The following CREB5 variants were observed in gnomAD, a reference collection of about 807,000 sequenced individuals.
The protein encoded by CREB5 is cAMP responsive element binding protein 5.
In CREB5, 19 loss-of-function variants were observed where a neutral mutation model predicts 57.1. The observed-to-expected ratio is 0.33, with a 90% CI of 0.23 to 0.49. CREB5 has a LOEUF of 0.49. Ranked by LOEUF, CREB5 falls within the 20% of genes least tolerant of loss-of-function variation. The probability of loss-of-function intolerance (pLI) is 0.99; values close to 1 mark genes in which losing one functional copy is unlikely to be tolerated. For missense variants in CREB5, 579 were observed against 671.6 expected, an observed-to-expected ratio of 0.86 and a Z score of 1.52; for synonymous variants, 238 against 238.3, an observed-to-expected ratio of 1.00 and a Z score of 0.01.
intron 1 of CREB5, among the ~76,000 whole-genome samples, chr7:28,363,111 A>G (rs1786522857): frequency 6.6e-6 from 1 of 152,212 alleles, no homozygotes; most frequent in Non-Finnish European, 1.5e-5. Context: ...GGAAAGAATT[A>G]TGGATGACAT....
chr7:28,449,773 G>A (rs1315658034), intron 1 of CREB5, among the ~76,000 whole-genome samples: 1 of 152,206 alleles, frequency 6.6e-6, no homozygotes, highest in Non-Finnish European at 1.5e-5. Context: ...CGTCAATGTC[G>A]AATTGGTTAA....
intron 1 of CREB5, among the ~76,000 whole-genome samples, chr7:28,448,243 T>C (rs1457297937): frequency 6.6e-6 from 1 of 152,252 alleles, no homozygotes; most frequent in Non-Finnish European, 1.5e-5. Context: ...CTGGCTCTCC[T>C]TGCTCAGCAG....
chr7:28,365,339 A>G (rs552512100), intron 1 of CREB5, among the ~76,000 whole-genome samples: 2 of 152,136 alleles, frequency 1.3e-5, no homozygotes, highest in African/African-American at 4.8e-5. Context: ...CCTTCTTACT[A>G]CAATGGAAGG....
chr7:28,300,050 CTTTATTTATTTATTTATTTA>C (rs150788504), intron 1 of CREB5, among the ~76,000 whole-genome samples: 3,975 of 144,410 alleles, frequency 0.028, 174 homozygotes, highest in African/African-American at 0.094. Context: ...TGCTTTTTAG[CTTTATTTATTTATTTATTTA>C]TTTATTTATT....
intron 4 of CREB5, 151 bp from the exon 5 acceptor site, chr7:28,570,214 T>A: frequency 2.8e-6 from 2 of 707,050 alleles, no homozygotes; most frequent in Non-Finnish European, 4.7e-6. Flanking sequence ...CTGTATGTTA[T>A]AACAAGATGA....
chr7:28,623,180 T>C (rs900069038), intron 5 of CREB5, among the ~76,000 whole-genome samples: 1 of 152,118 alleles, frequency 6.6e-6, no homozygotes, highest in African/African-American at 2.4e-5. Flanking sequence ...ACTGCACCTG[T>C]CCCCATCTAC....
At chr7:28,505,027 C>G (rs1346930751) in intron 3 of CREB5, among the ~76,000 whole-genome samples, 1 of 152,104 alleles carries the variant, frequency 6.6e-6, no homozygotes, top group Non-Finnish European at 1.5e-5. Flanking sequence ...ACAAACTTGG[C>G]CTTATGAATT....
chr7:28,493,406 G>A (rs1315899329), intron 2 of CREB5, among the ~76,000 whole-genome samples: 1 of 152,168 alleles, frequency 6.6e-6, no homozygotes, highest in East Asian at 1.9e-4. Context: ...AGCTTCAGTG[G>A]CTTAGAGCAA....
intron 1 of CREB5, among the ~76,000 whole-genome samples, chr7:28,462,026 G>A (rs1231128434): frequency 2.0e-5 from 3 of 151,706 alleles, no homozygotes; most frequent in South Asian, 2.1e-4. Flanking sequence ...GAACATTTTC[G>A]TCACCCCCAA....
At chr7:28,306,375 A>AT (rs1785182503) in intron 1 of CREB5, among the ~76,000 whole-genome samples, 1 of 151,996 alleles carries the variant, frequency 6.6e-6, no homozygotes, top group Admixed American at 6.6e-5. Flanking sequence ...GACCTCTGCC[A>AT]TTTTTTTATT....
intron 1 of CREB5, among the ~76,000 whole-genome samples, chr7:28,429,978 A>G (rs1182679872): frequency 6.6e-6 from 1 of 152,180 alleles, no homozygotes; most frequent in African/African-American, 2.4e-5. Context: ...CCAGGAAAGG[A>G]TTGTTAGCTC....
At chr7:28,660,203 T>C (rs1488434487) in intron 5 of CREB5, among the ~76,000 whole-genome samples, 2 of 152,152 alleles carry the variant, frequency 1.3e-5, no homozygotes, top group African/African-American at 4.8e-5. Context: ...ATTCTATAAG[T>C]GTTTTTTATG....
chr7:28,489,786 T>C (rs915334270), intron 2 of CREB5, among the ~76,000 whole-genome samples: 9 of 152,200 alleles, frequency 5.9e-5, no homozygotes, highest in African/African-American at 9.7e-5. Flanking sequence ...ATTTCCAACT[T>C]ATAAATAAGA....
Position 28,626,106 on chromosome 7 carries a change from G to A in CREB5, c.464+55569G>A, listed in dbSNP as rs546454440. ...TTGGGTGTGTCATTTTATATTTAACGTATGTATTATTCACATTAAGGTAGT... is the reference window on the plus strand; with the variant it reads ...TTGGGTGTGTCATTTTATATTTAACATATGTATTATTCACATTAAGGTAGT... On this transcript the variant is annotated intron_variant, in intron 5 of 10. Coordinates refer to ENST00000357727, the MANE Select transcript of CREB5 (RefSeq NM_182898.4). Among the ~76,000 whole-genome samples the A allele has an allele frequency of 1.6e-4, 24 of 152,096 alleles. No homozygotes were observed. In the East Asian group the frequency reaches 2.5e-3, roughly 16 times the overall value.
chr7:28,331,374 A>C (rs1386848124), intron 1 of CREB5, among the ~76,000 whole-genome samples: 1 of 152,102 alleles, frequency 6.6e-6, no homozygotes, highest in Non-Finnish European at 1.5e-5. Context: ...TTAATATTGT[A>C]GATCTGTTTA....
chr7:28,552,091 G>T (rs146751754), intron 4 of CREB5, among the ~76,000 whole-genome samples: 1 of 146,236 alleles, frequency 6.8e-6, no homozygotes, highest in Non-Finnish European at 1.5e-5. Context: ...TCCCAGGCTG[G>T]AGTGCAATGG....
chr7:28,502,495 C>G (rs920510114), intron 3 of CREB5, among the ~76,000 whole-genome samples: 2 of 152,050 alleles, frequency 1.3e-5, no homozygotes, highest in African/African-American at 4.8e-5. Context: ...TTTGAATAGC[C>G]CTCTTGAGGA....
intron 5 of CREB5, among the ~76,000 whole-genome samples, chr7:28,645,519 G>A (rs1442468127): frequency 1.3e-5 from 2 of 152,190 alleles, no homozygotes; most frequent in African/African-American, 4.8e-5. Context: ...AAATGCCTGA[G>A]CTGATGTTAA....
intron 4 of CREB5, among the ~76,000 whole-genome samples, chr7:28,558,917 T>C (rs2128638244): frequency 6.6e-6 from 1 of 152,294 alleles, no homozygotes; most frequent in Middle Eastern, 3.4e-3. Flanking sequence ...GACATTTGTT[T>C]AGTAATTCTA....
Sources: gnomAD v4.1 joint callset for allele counts (sites outside exome capture counted in the v4.1 genomes callset) on GRCh38, gnomAD v4.1.1 for gene constraint, MANE v1.5 for transcripts, NCBI Gene and HGNC (gene_info 2026-07-23, HGNC 2026-07-21) for gene names.